PCDH15: variants seen among roughly 807,000 people sequenced by gnomAD.
PCDH15 encodes protocadherin-15.
A neutral mutation model predicts 178.5 loss-of-function variants in PCDH15; 129 were observed. That is an observed-to-expected ratio of 0.72 (90% CI 0.63 to 0.84). The LOEUF is 0.84. PCDH15 is among the 40% of genes least tolerant of loss of function. The pLI, the probability that PCDH15 is intolerant of heterozygous loss-of-function variation, is 0.00. For missense variants in PCDH15, 2,230 were observed against 2,099.9 expected (o/e 1.06, Z -1.21); for synonymous variants, 800 against 732.0 (o/e 1.09, Z -1.50).
At chr10:53,943,579 C>T (rs916493076) in intron 23 of PCDH15, among the ~76,000 whole-genome samples, 5 of 151,850 alleles carry the variant, frequency 3.3e-5, no homozygotes, top group Non-Finnish European at 1.5e-5. Context: ...TTTTTGCTAA[C>T]CTTAACTGCA....
chr10:54,546,094 A>T (rs572158710), intron 2 of PCDH15, among the ~76,000 whole-genome samples: 4 of 152,342 alleles, frequency 2.6e-5, no homozygotes, highest in African/African-American at 9.6e-5. Context: ...TGAGGTTTCC[A>T]CTAGAAAGTT....
At position 55,477,080 on chromosome 10, in the gene PCDH15, A is replaced by T. The variant is rs1178995152; in HGVS notation, c.-156+150545T>A. Among the ~76,000 whole-genome samples the T allele has an allele frequency of 2.0e-5, 3 of 152,102 alleles. No individual in the cohort carries two copies. In the East Asian group the frequency reaches 5.8e-4, roughly 29 times the overall value. ...ACCTTAATTATTTGTGTGTACTAGT[A>T]TATTACCCACTGTTGGAATAGGAAA... On this transcript the variant is annotated intron_variant, in intron 2 of 5. Coordinates refer to the PCDH15 transcript ENST00000613346.
At chr10:54,178,893 G>T (rs942073729) in intron 13 of PCDH15, among the ~76,000 whole-genome samples, 2 of 152,046 alleles carry the variant, frequency 1.3e-5, no homozygotes, top group African/African-American at 4.8e-5. Flanking sequence ...AGTTAGAATG[G>T]CAATCATTAA....
At chr10:53,950,251 A>T (rs2086907166) in intron 23 of PCDH15, among the ~76,000 whole-genome samples, 2 of 152,038 alleles carry the variant, frequency 1.3e-5, no homozygotes, top group Admixed American at 6.6e-5. Context: ...ATATCAACTT[A>T]AGAGGTTAAC....
At chr10:54,049,460 A>G (rs2093721184) in intron 18 of PCDH15, among the ~76,000 whole-genome samples, 1 of 152,146 alleles carries the variant, frequency 6.6e-6, no homozygotes, top group Admixed American at 6.5e-5. Context: ...CTCAAGGTGA[A>G]TGCTTTCAGC....
chr10:55,582,596 GTATATATATATA>G (rs56817323), intron 2 of PCDH15, among the ~76,000 whole-genome samples: 4 of 90,304 alleles, frequency 4.4e-5, no homozygotes, highest in South Asian at 4.1e-4. Flanking sequence ...ATGTGTATGT[GTATATATATATA>G]TATATATATA....
At chr10:54,950,021 C>G (rs1733779) in intron 2 of PCDH15, among the ~76,000 whole-genome samples, 25,121 of 151,902 alleles carry the variant, frequency 0.17, 2,293 homozygotes, top group East Asian at 0.24. Context: ...ACCTCTGCCT[C>G]TTACCAAGTT....
At chr10:53,969,480 A>T (rs879344436) in intron 21 of PCDH15, among the ~76,000 whole-genome samples, 2 of 152,186 alleles carry the variant, frequency 1.3e-5, no homozygotes, top group Non-Finnish European at 2.9e-5. Context: ...AAGGCAGGCC[A>T]ACATTCAAAT....
intron 1 of PCDH15, among the ~76,000 whole-genome samples, chr10:55,196,711 C>T (rs1426019454): frequency 6.6e-6 from 1 of 151,972 alleles, no homozygotes; most frequent in African/African-American, 2.4e-5. Context: ...AAGCCAGATA[C>T]ATTTAGTCCT....
chr10:54,302,020 A>G (rs117979917), intron 8 of PCDH15, among the ~76,000 whole-genome samples: 1,571 of 152,296 alleles, frequency 0.01, 13 homozygotes, highest in Middle Eastern at 0.031. Context: ...TATTACCCTT[A>G]GGAATAAAAT....
intron 2 of PCDH15, among the ~76,000 whole-genome samples, chr10:55,425,031 T>C (rs918162091): frequency 2.0e-5 from 3 of 151,980 alleles, no homozygotes; most frequent in Non-Finnish European, 4.4e-5. Flanking sequence ...ATTAAGGGGA[T>C]ATTATTAAAT....
chr10:55,559,565 A>T (rs1274231617), intron 2 of PCDH15, among the ~76,000 whole-genome samples: 2 of 152,020 alleles, frequency 1.3e-5, no homozygotes, highest in East Asian at 3.9e-4. Flanking sequence ...TCACAAGTAA[A>T]GATAGTTAAT....
At chr10:54,191,970 G>C (rs1230356711) in intron 11 of PCDH15, among the ~76,000 whole-genome samples, 2 of 139,758 alleles carry the variant, frequency 1.4e-5, no homozygotes, top group African/African-American at 5.3e-5. Flanking sequence ...GAAGGAGAAG[G>C]AGGGGAAGGA....
chr10:54,150,538 CTTT>C (rs949482611), intron 14 of PCDH15, among the ~76,000 whole-genome samples: 11 of 151,840 alleles, frequency 7.2e-5, no homozygotes, highest in Non-Finnish European at 1.3e-4. Context: ...CTGAATCCTA[CTTT>C]TTTTCTATTT....
chr10:53,978,363 T>C (rs946171740), intron 21 of PCDH15, among the ~76,000 whole-genome samples: 2 of 152,178 alleles, frequency 1.3e-5, no homozygotes, highest in African/African-American at 4.8e-5. Flanking sequence ...GGATTGAGAA[T>C]TGCATCTTCT....
At position 54,317,156 on chromosome 10, in the gene PCDH15, A is replaced by G. The variant is rs116363748; in HGVS notation, c.876+115T>C. 2,554 of 1,062,058 alleles carry G rather than the reference A, an allele frequency of 2.4e-3. 46 individuals are homozygous for G. In the African/African-American group the frequency reaches 0.036, roughly 15 times the overall value. The allele number at this position is 1,062,058 out of a possible 1,614,324, so 65.8% of individuals were successfully genotyped here. A position where few individuals can be genotyped will look rare whatever the true frequency, so the allele number is the denominator to read the frequency against. On this transcript the variant is annotated intron_variant, in intron 8 of 37. Coordinates refer to ENST00000644397, the MANE Select transcript of PCDH15 (RefSeq NM_001384140.1). The stretch of plus-strand genomic sequence containing the variant: ...TAGTTTCGGACATAAATATTTTTCA[A>G]TGTGCATATACTGAGTTTTGCTATT...
At chr10:55,283,002 C>T (rs1478428049) in intron 1 of PCDH15, among the ~76,000 whole-genome samples, 1 of 152,112 alleles carries the variant, frequency 6.6e-6, no homozygotes, top group African/African-American at 2.4e-5. Flanking sequence ...CCAAAACAAA[C>T]ACTCTTCCTG....
At chr10:54,619,008 A>T (rs1287167295) in intron 2 of PCDH15, 1 of 152,106 alleles carries the variant, frequency 6.6e-6, no homozygotes, top group East Asian at 1.9e-4. Flanking sequence ...ATTTCAGTTC[A>T]TGATGTTACT....
chr10:54,363,213 A>G (rs1260510271), intron 5 of PCDH15, among the ~76,000 whole-genome samples: 2 of 152,180 alleles, frequency 1.3e-5, no homozygotes, highest in African/African-American at 2.4e-5. Context: ...ATATCATAAC[A>G]AAAAGCAAAT....
Sources: allele counts gnomAD v4.1 joint callset (sites outside exome capture counted in the v4.1 genomes callset), GRCh38; gene constraint gnomAD v4.1.1; transcripts MANE v1.5; gene names NCBI Gene and HGNC (gene_info 2026-07-23, HGNC 2026-07-21).